Variants in SLC22A25 observed in about 807,000 individuals in gnomAD.
SLC22A25 encodes MGI:2442751, MGI:2385316, MGI:3042283, MGI:3645714, MGI:3605624, MGI:2442750.
A neutral mutation model predicts 45.9 loss-of-function variants in SLC22A25; 44 were observed. The observed-to-expected ratio is 0.96, with a 90% CI of 0.75 to 1.23. The LOEUF is 1.23. Among genes scored for constraint, SLC22A25 ranks in the 50% most tolerant of loss-of-function variants. SLC22A25 has a pLI of 0.00. For missense variants in SLC22A25, 800 were observed against 666.4 expected (o/e 1.20, Z -2.21); for synonymous variants, 283 against 238.6 (o/e 1.19, Z -1.72).
Position 63,238,403 on chromosome 11 carries a change from T to G in SLC22A25, c.-577+314A>C, listed in dbSNP as rs563519430. 3.2e-4 allele frequency among the ~76,000 whole-genome samples: 49 copies of G among 151,710 alleles called. No individual in the cohort carries two copies. In the East Asian group the frequency reaches 7.6e-3, roughly 23 times the overall value. On this transcript the variant is annotated intron_variant, in intron 2 of 11. Coordinates refer to ENST00000306494, the MANE Select transcript of SLC22A25 (RefSeq NM_199352.6). Reference sequence around the variant, plus strand: ...GGGGGTTTTGATCAACCTCCCAGTATTTTTAATTGCAACCACAGGCTGAGC... The same window carrying G: ...GGGGGTTTTGATCAACCTCCCAGTAGTTTTAATTGCAACCACAGGCTGAGC...
rs2087585699 is a variant in SLC22A25, at chr11:63,163,903, G to A, written c.1565C>T (p.Pro522Leu). 6.2e-7 allele frequency: 1 copy of A among 1,613,800 alleles called. No individual in the cohort carries two copies. Among genetic ancestry groups the A allele is most frequent in the African/African-American group, 1.3e-5 (1 of 74,884 alleles). The stretch of plus-strand genomic sequence containing the variant: ...CACATCCTGGATGCTGTCAAGAAGA[G>A]GCTGGTTCCTGGTTTCAGGAAGGAG... ...VLLLPETRNQ[P>L]LLDSIQDVEN... is the part of the protein sequence containing the mutation. Residue 522 changes from proline (P) to leucine (L), a missense_variant, in exon 12 of 12, where the codon CCT (proline) becomes CTT (leucine). Transcript: ENST00000306494.
chr11:63,164,024 G>T lies in SLC22A25; in HGVS notation c.1444C>A (p.Leu482Met). ...CTTAGGATCATCATGAGGGAAGCCA[G>T]GGCTCCCCCAATATTAGCAAAGTTT... ...TGNFANIGGA[L>M]ASLMMILSIY... Residue 482 changes from leucine (L) to methionine (M), a missense_variant, in exon 12 of 12, where the codon CTG (leucine) becomes ATG (methionine). Physicochemically the swap from Leu to Met is conservative, Grantham distance 15. Coordinates refer to ENST00000306494, the MANE Select transcript of SLC22A25 (RefSeq NM_199352.6). The T allele has an allele frequency of 1.2e-6, 2 of 1,612,494 alleles. No homozygotes were observed.
rs200325838 is a variant in SLC22A25, at chr11:63,217,673, G to A, written c.569C>T (p.Ala190Val). ...YLQLAIVGTC[A>V]AFAPTILVYC... Reference sequence around the variant, plus strand: ...TACGAGGATGGTGGGAGCAAAGGCCGCACAGGTGCCTACAATGGCGAGCTG... The same window carrying A: ...TACGAGGATGGTGGGAGCAAAGGCCACACAGGTGCCTACAATGGCGAGCTG... Residue 190 changes from alanine (A) to valine (V), a missense_variant, in exon 6 of 12, where the codon GCG becomes GTG. Physicochemically the swap from Ala to Val is moderately conservative, Grantham distance 64. Coordinates refer to ENST00000306494, the MANE Select transcript of SLC22A25 (RefSeq NM_199352.6). 6.9e-5 allele frequency: 112 copies of A among 1,613,884 alleles called. No homozygotes were observed. Among genetic ancestry groups the A allele is most frequent in the Middle Eastern group, 1.7e-4 (1 of 6,058 alleles).
intron 5 of SLC22A25, among the ~76,000 whole-genome samples, chr11:63,226,040 C>T (rs1009026087): frequency 2.6e-5 from 4 of 151,814 alleles, no homozygotes; most frequent in Non-Finnish European, 4.4e-5. Context: ...TTCTGAATTC[C>T]TTCTCTGTGT....
At chr11:63,212,306 C>T (rs1008366484) in intron 7 of SLC22A25, among the ~76,000 whole-genome samples, 39 of 152,162 alleles carry the variant, frequency 2.6e-4, no homozygotes, top group African/African-American at 9.2e-4. Context: ...ACCCAGCCAT[C>T]CCATTACTGG....
intron 9 of SLC22A25, among the ~76,000 whole-genome samples, chr11:63,176,923 C>T (rs2088109106): frequency 6.6e-6 from 1 of 151,960 alleles, no homozygotes. Context: ...TTTAACATTT[C>T]TTATAATGCA....
intron 5 of SLC22A25, among the ~76,000 whole-genome samples, chr11:63,221,967 C>A (rs2089862632): frequency 6.6e-6 from 1 of 151,982 alleles, no homozygotes; most frequent in African/African-American, 2.4e-5. Flanking sequence ...TCTGGATTCT[C>A]CATTCTGTTC....
intron 4 of SLC22A25, 134 bp downstream of exon 4, chr11:63,229,117 G>T: frequency 1.1e-6 from 1 of 919,902 alleles, no homozygotes; most frequent in South Asian, 3.0e-5. Flanking sequence ...ATTCAGTAGA[G>T]AAGCAATTAA....
chr11:63,219,369 G>A (rs373837085), intron 5 of SLC22A25, among the ~76,000 whole-genome samples: 55 of 152,210 alleles, frequency 3.6e-4, no homozygotes, highest in East Asian at 1.4e-3. Context: ...CAACACCATC[G>A]TTGCTTTTCT....
intron 3 of SLC22A25, among the ~76,000 whole-genome samples, chr11:63,232,804 T>G (rs2090094310): frequency 6.6e-6 from 1 of 152,216 alleles, no homozygotes; most frequent in African/African-American, 2.4e-5. Context: ...TTGAGATTCG[T>G]CCTATCAATA....
At chr11:63,216,730 G>T (rs2089720950) in intron 7 of SLC22A25, among the ~76,000 whole-genome samples, 2 of 152,154 alleles carry the variant, frequency 1.3e-5, no homozygotes, top group Non-Finnish European at 2.9e-5. Flanking sequence ...TAATACCTAG[G>T]TGATAAAATA....
chr11:63,180,219 A>G (rs2088269354), intron 9 of SLC22A25, among the ~76,000 whole-genome samples: 1 of 152,132 alleles, frequency 6.6e-6, no homozygotes, highest in African/African-American at 2.4e-5. Flanking sequence ...CTGTTACGTC[A>G]TCTTGCTGAA....
At chr11:63,184,726 A>C (rs542723289) in intron 7 of SLC22A25, among the ~76,000 whole-genome samples, 1 of 152,306 alleles carries the variant, frequency 6.6e-6, no homozygotes, top group South Asian at 2.1e-4. Context: ...ATGTACATAT[A>C]AACATAGATC....
At chr11:63,203,452 G>A (rs2089307717) in intron 7 of SLC22A25, among the ~76,000 whole-genome samples, 1 of 151,940 alleles carries the variant, frequency 6.6e-6, no homozygotes. Context: ...CCAGTTTAGA[G>A]AAGAACATAA....
At chr11:63,231,794 T>C (rs1033367603) in intron 3 of SLC22A25, among the ~76,000 whole-genome samples, 6 of 152,344 alleles carry the variant, frequency 3.9e-5, no homozygotes, top group African/African-American at 1.4e-4. Flanking sequence ...TAATCCATCT[T>C]GAATTAATTT....
intron 9 of SLC22A25, among the ~76,000 whole-genome samples, chr11:63,174,387 A>G (rs1180340464): frequency 6.6e-6 from 1 of 152,160 alleles, no homozygotes; most frequent in Admixed American, 6.6e-5. Context: ...TAAATTGCAC[A>G]TAGATCAGAT....
intron 7 of SLC22A25, among the ~76,000 whole-genome samples, chr11:63,193,559 C>A (rs1250498333): frequency 6.6e-6 from 1 of 152,244 alleles, no homozygotes; most frequent in Admixed American, 6.5e-5. Flanking sequence ...AACAGACCTG[C>A]AGCTGAGGGT....
chr11:63,225,727 G>GTC (rs969294503), intron 5 of SLC22A25, among the ~76,000 whole-genome samples: 3 of 152,004 alleles, frequency 2.0e-5, no homozygotes, highest in African/African-American at 4.8e-5. Flanking sequence ...GTCTACCCTT[G>GTC]TCTCTCTCTC....
At chr11:63,218,259 C>T (rs2089770366) in intron 5 of SLC22A25, 3 of 347,168 alleles carry the variant, frequency 8.6e-6, no homozygotes, top group South Asian at 7.3e-5. Flanking sequence ...GAAAACCAAA[C>T]ATTACAATGT....
Sources: gnomAD v4.1 joint callset for allele counts (sites outside exome capture counted in the v4.1 genomes callset) on GRCh38, gnomAD v4.1.1 for gene constraint, MANE v1.5 for transcripts, NCBI Gene and HGNC (gene_info 2026-07-23, HGNC 2026-07-21) for gene names.